The following SMIM13 variants were observed in gnomAD, a reference collection of about 807,000 sequenced individuals.
SMIM13 encodes UPF0766 protein C6orf228.
In SMIM13, 3 loss-of-function variants were observed where a neutral mutation model predicts 5.9. The ratio of observed to expected loss-of-function variants is 0.51; its 90% CI spans 0.23 to 1.31. The LOEUF (loss-of-function observed/expected upper bound fraction) is 1.31. SMIM13 is among the 40% of genes most tolerant of loss of function. SMIM13 has a pLI of 0.18. For missense variants in SMIM13, 85 were observed against 109.9 expected (o/e 0.77, Z 1.01); for synonymous variants, 55 against 46.0 (o/e 1.19, Z -0.79).
At position 11,094,303 on chromosome 6, in the gene SMIM13, CT is replaced by C; in HGVS notation, c.-10del. On this transcript the variant is annotated 5_prime_UTR_variant, in exon 1 of 2. Transcript: ENST00000416247. ...CAGCCGCCCCGAGCCGACTGCCCTT[CT>C]GCCCCCAAGATGTGGCACAGCGTCG... The C allele has an allele frequency of 1.4e-6, 2 of 1,469,150 alleles. No homozygotes were observed. The highest frequency in any genetic ancestry group is 1.8e-6 in the Non-Finnish European group (2 of 1,105,476). The allele number at this position is 1,469,150 out of a possible 1,614,324, so 91.0% of individuals were successfully genotyped here.
intron 1 of SMIM13, among the ~76,000 whole-genome samples, chr6:11,098,132 T>TG (rs1757948726): frequency 6.6e-6 from 1 of 152,224 alleles, no homozygotes; most frequent in African/African-American, 2.4e-5. Flanking sequence ...TAGGAATTTA[T>TG]GTAGTTTTCT....
At chr6:11,116,369 C>G (rs1758240686) in intron 1 of SMIM13, among the ~76,000 whole-genome samples, 1 of 152,172 alleles carries the variant, frequency 6.6e-6, no homozygotes, top group Non-Finnish European at 1.5e-5. Flanking sequence ...TACCCACATT[C>G]AAGAGGAGGA....
At chr6:11,105,003 A>C in intron 1 of SMIM13, 9 of 1,614,204 alleles carry the variant, frequency 5.6e-6, no homozygotes, top group Non-Finnish European at 7.6e-6. Flanking sequence ...TTTCTGGCGG[A>C]TATCAGGGAA....
intron 1 of SMIM13, among the ~76,000 whole-genome samples, chr6:11,133,852 C>T (rs187081871): frequency 6.0e-5 from 9 of 151,190 alleles, no homozygotes; most frequent in East Asian, 1.9e-4. Context: ...ATATTGGTGC[C>T]GTGGCTTTAG....
At chr6:11,096,950 C>G (rs953573630) in intron 1 of SMIM13, among the ~76,000 whole-genome samples, 2 of 152,212 alleles carry the variant, frequency 1.3e-5, no homozygotes, top group African/African-American at 4.8e-5. Context: ...CTCGGCTTCC[C>G]AAAGTGCTGG....
At chr6:11,123,825 A>G (rs1177857105) in intron 1 of SMIM13, among the ~76,000 whole-genome samples, 3 of 152,188 alleles carry the variant, frequency 2.0e-5, no homozygotes, top group Non-Finnish European at 4.4e-5. Context: ...AACATTTCAA[A>G]TCTTCTAGCT....
chr6:11,103,669 C>G (rs924321903), intron 1 of SMIM13: 6 of 1,520,670 alleles, frequency 3.9e-6, no homozygotes, highest in Non-Finnish European at 5.3e-6. Context: ...TCGTGTTCCA[C>G]TAGCGAGCAG....
At chr6:11,117,051 C>T (rs1258248467) in intron 1 of SMIM13, among the ~76,000 whole-genome samples, 6 of 118,608 alleles carry the variant, frequency 5.1e-5, no homozygotes, top group African/African-American at 1.3e-4. Context: ...AGTGCAGTGG[C>T]GCGATCTCGG....
intron 1 of SMIM13, among the ~76,000 whole-genome samples, chr6:11,118,196 T>C (rs1429474735): frequency 1.3e-5 from 2 of 152,194 alleles, no homozygotes; most frequent in Non-Finnish European, 2.9e-5. Flanking sequence ...TTTGTGAACG[T>C]CCCATATATA....
intron 1 of SMIM13, among the ~76,000 whole-genome samples, chr6:11,119,482 G>A (rs1162869809): frequency 2.0e-5 from 3 of 151,976 alleles, no homozygotes; most frequent in East Asian, 1.9e-4. Context: ...GTGAACCTCC[G>A]TCTCTACTAA....
chr6:11,116,201 T>C (rs1758237737), intron 1 of SMIM13, among the ~76,000 whole-genome samples: 1 of 151,808 alleles, frequency 6.6e-6, no homozygotes, highest in Non-Finnish European at 1.5e-5. Context: ...TATTTTTTGC[T>C]AGAGATGGGG....
Position 11,104,964 on chromosome 6 carries a change from T to C in SMIM13, c.76+10575T>C. 1.9e-6 allele frequency: 3 copies of C among 1,614,232 alleles called. No individual in the cohort carries two copies. The highest frequency in any genetic ancestry group is 1.3e-5 in the African/African-American group (1 of 75,062). ...AGGGGCTATTCCCATTAGGTTGATA[T>C]TAGTAAAGATGGGTCCGAAAATGGG... On this transcript the variant is annotated intron_variant, in intron 1 of 1. Transcript: ENST00000416247.
intron 1 of SMIM13, among the ~76,000 whole-genome samples, chr6:11,112,572 A>G (rs556747265): frequency 5.3e-5 from 8 of 152,188 alleles, no homozygotes; most frequent in African/African-American, 1.9e-4. Context: ...TTCCATAAAC[A>G]TAAATTTACC....
chr6:11,107,140 C>A (rs905078352), intron 1 of SMIM13, among the ~76,000 whole-genome samples: 1 of 152,214 alleles, frequency 6.6e-6, no homozygotes, highest in Non-Finnish European at 1.5e-5. Context: ...TGTGGATTAT[C>A]TAGGAGCTGA....
At chr6:11,126,835 T>A (rs1286212493) in intron 1 of SMIM13, among the ~76,000 whole-genome samples, 1 of 152,202 alleles carries the variant, frequency 6.6e-6, no homozygotes, top group East Asian at 1.9e-4. Flanking sequence ...ACTGTAGCCA[T>A]GTTTGCATTG....
At chr6:11,134,003 G>A (rs1044998768) in intron 1 of SMIM13, among the ~76,000 whole-genome samples, 5 of 151,422 alleles carry the variant, frequency 3.3e-5, no homozygotes, top group Non-Finnish European at 7.4e-5. Context: ...GATTCTGATC[G>A]AAACAAACTT....
Position 11,104,210 on chromosome 6 carries a change from C to T in SMIM13, c.76+9821C>T, listed in dbSNP as rs1427517519. ...TTGTGATTCCAGCAATTCCGGTTCC[C>T]GTACCAGCTAGAATGCCGAGTCCCG... On this transcript the variant is annotated intron_variant, in intron 1 of 1. Transcript: ENST00000416247. The T allele has an allele frequency of 1.6e-5, 25 of 1,551,564 alleles. No individual in the cohort carries two copies. In the Admixed American group the frequency reaches 2.0e-4, roughly 12 times the overall value.
At chr6:11,110,198 C>A (rs1366722190) in intron 1 of SMIM13, among the ~76,000 whole-genome samples, 1 of 152,152 alleles carries the variant, frequency 6.6e-6, no homozygotes, top group African/African-American at 2.4e-5. Flanking sequence ...TGGAATGAAC[C>A]CAGTGTTTAC....
chr6:11,119,481 C>T (rs539984443), intron 1 of SMIM13, among the ~76,000 whole-genome samples: 7 of 152,120 alleles, frequency 4.6e-5, no homozygotes, highest in South Asian at 4.2e-4. Context: ...GGTGAACCTC[C>T]GTCTCTACTA....
Sources: gnomAD v4.1 joint callset for allele counts (sites outside exome capture counted in the v4.1 genomes callset) on GRCh38, gnomAD v4.1.1 for gene constraint, MANE v1.5 for transcripts, NCBI Gene and HGNC (gene_info 2026-07-23, HGNC 2026-07-21) for gene names.